SGCZ: variants seen among roughly 807,000 people sequenced by gnomAD.
SGCZ encodes the protein sarcoglycan zeta.
Under a neutral mutation model 41.3 loss-of-function variants are expected in SGCZ, and 40 were observed. That is an observed-to-expected ratio of 0.97 (90% CI 0.75 to 1.26). The LOEUF (loss-of-function observed/expected upper bound fraction) is 1.26, where lower values mean the gene tolerates loss of function less well. SGCZ is among the 50% of genes most tolerant of loss of function. SGCZ has a pLI of 0.00. For synonymous variants in SGCZ, 206 were observed against 137.5 expected, an observed-to-expected ratio of 1.50 and a Z score of -3.49; for missense variants, 552 against 369.8, an observed-to-expected ratio of 1.49 and a Z score of -4.04.
chr8:14,567,605 G>A (rs1428261811), intron 1 of SGCZ, among the ~76,000 whole-genome samples: 16 of 152,186 alleles, frequency 1.1e-4, no homozygotes, highest in Admixed American at 1.0e-3. Flanking sequence ...GGCTGCCTAA[G>A]CCAGCAGTGG....
intron 2 of SGCZ, among the ~76,000 whole-genome samples, chr8:14,345,238 TC>T (rs1356221785): frequency 1.3e-5 from 2 of 152,004 alleles, no homozygotes; most frequent in Non-Finnish European, 2.9e-5. Context: ...TCACTACACA[TC>T]CATTAGAGTC....
chr8:14,456,730 C>T (rs1800755844), intron 2 of SGCZ, among the ~76,000 whole-genome samples: 1 of 152,144 alleles, frequency 6.6e-6, no homozygotes, highest in Non-Finnish European at 1.5e-5. Flanking sequence ...TATGTCCTCA[C>T]CCAAATCTCA....
intron 1 of SGCZ, among the ~76,000 whole-genome samples, chr8:14,686,946 C>A (rs533464827): frequency 9.1e-4 from 138 of 151,840 alleles, no homozygotes; most frequent in African/African-American, 3.2e-3. Flanking sequence ...GCCTTTGCAA[C>A]TCACCTCACA....
chr8:14,859,956 A>T (rs1803663310), intron 1 of SGCZ, among the ~76,000 whole-genome samples: 1 of 152,150 alleles, frequency 6.6e-6, no homozygotes, highest in Non-Finnish European at 1.5e-5. Context: ...GTCTTGAATG[A>T]CTCTATAATT....
intron 1 of SGCZ, among the ~76,000 whole-genome samples, chr8:14,762,975 C>A (rs180705123): frequency 1.0e-3 from 158 of 152,136 alleles, no homozygotes; most frequent in Non-Finnish European, 7.9e-4. Context: ...ACTTCAGCAC[C>A]CTGACTTATA....
rs1165855107 is a variant in SGCZ, at chr8:14,784,045, A to G, written c.40-229119T>C. Among the ~76,000 whole-genome samples the G allele has an allele frequency of 5.4e-5, 7 of 128,660 alleles. No individual in the cohort carries two copies. The East Asian group carries it at 1.6e-3, about 29-fold the overall frequency. 84.4% of individuals were successfully genotyped at this position (128,660 alleles called of 152,430 possible). A position where few individuals can be genotyped will look rare whatever the true frequency, so the allele number is the denominator to read the frequency against. On this transcript the variant is annotated intron_variant, in intron 1 of 7. Transcript: ENST00000382080. ...ACCTTTAAATTTCAGATTGTAATTT[A>G]ATTTAATGTTTTTTTTTTTTTTTGA...
At chr8:14,729,686 T>G (rs1228184128) in intron 1 of SGCZ, among the ~76,000 whole-genome samples, 1 of 150,968 alleles carries the variant, frequency 6.6e-6, no homozygotes, top group African/African-American at 2.4e-5. Flanking sequence ...CAATCTGTTG[T>G]TTAAGTAACC....
intron 1 of SGCZ, among the ~76,000 whole-genome samples, chr8:14,786,167 C>T (rs1308335706): frequency 6.6e-6 from 1 of 152,014 alleles, no homozygotes; most frequent in Admixed American, 6.6e-5. Flanking sequence ...CAGAAGAAAA[C>T]ATTAGTTCTC....
At chr8:14,860,708 G>GAAGGAAAGAAAGAAAGAGAA (rs1554513265) in intron 1 of SGCZ, among the ~76,000 whole-genome samples, 1 of 132,660 alleles carries the variant, frequency 7.5e-6, no homozygotes, top group African/African-American at 3.1e-5. Context: ...AAGAAAGAAA[G>GAAGGAAAGAAAGAAAGAGAA]AGAAAGAAAG....
At chr8:14,486,567 AGT>A (rs1014601575) in intron 2 of SGCZ, among the ~76,000 whole-genome samples, 5 of 152,068 alleles carry the variant, frequency 3.3e-5, no homozygotes, top group African/African-American at 7.2e-5. Flanking sequence ...GTGAGTAATG[AGT>A]GTGTGTGTGT....
At chr8:14,950,989 G>C (rs868220426) in intron 1 of SGCZ, among the ~76,000 whole-genome samples, 1 of 152,004 alleles carries the variant, frequency 6.6e-6, no homozygotes, top group South Asian at 2.1e-4. Flanking sequence ...GGAGAGCAAA[G>C]GGATACAGTA....
At chr8:14,236,897 G>A (rs1385982436) in intron 4 of SGCZ, among the ~76,000 whole-genome samples, 2 of 151,434 alleles carry the variant, frequency 1.3e-5, no homozygotes, top group African/African-American at 4.8e-5. Flanking sequence ...TATTTGCTAT[G>A]AGAAAAAAAT....
At chr8:14,555,176 G>C (rs1276665389) in intron 1 of SGCZ, among the ~76,000 whole-genome samples, 4 of 151,854 alleles carry the variant, frequency 2.6e-5, no homozygotes, top group Non-Finnish European at 5.9e-5. Context: ...AGTCAGATTT[G>C]TCCCATTTCA....
intron 1 of SGCZ, among the ~76,000 whole-genome samples, chr8:14,724,746 G>A (rs941573949): frequency 1.3e-5 from 2 of 151,462 alleles, no homozygotes; most frequent in African/African-American, 4.8e-5. Flanking sequence ...ATATTTATGG[G>A]ATACATTTGC....
chr8:15,228,935 T>C (rs892657949), intron 1 of SGCZ, among the ~76,000 whole-genome samples: 2 of 152,218 alleles, frequency 1.3e-5, no homozygotes, highest in Non-Finnish European at 2.9e-5. Context: ...GGCTCACACC[T>C]GTAATCCCAG....
intron 2 of SGCZ, among the ~76,000 whole-genome samples, chr8:14,400,321 G>C (rs769781695): frequency 1.3e-5 from 2 of 152,068 alleles, no homozygotes; most frequent in Non-Finnish European, 2.9e-5. Flanking sequence ...ATACAAGCAT[G>C]CATGAACAAG....
intron 1 of SGCZ, among the ~76,000 whole-genome samples, chr8:14,992,885 C>G (rs537730516): frequency 6.9e-6 from 1 of 144,026 alleles, no homozygotes; most frequent in African/African-American, 2.6e-5. Context: ...TACCTCTCGC[C>G]CATCCTCCTC....
intron 2 of SGCZ, among the ~76,000 whole-genome samples, chr8:14,505,055 A>G (rs1802264747): frequency 6.6e-6 from 1 of 152,128 alleles, no homozygotes; most frequent in South Asian, 2.1e-4. Context: ...AGGCTGAGGC[A>G]TGAGAATGGC....
chr8:15,188,127 T>C lies in SGCZ; in HGVS notation c.39+49458A>G, dbSNP rs568489837. On this transcript the variant is annotated intron_variant, in intron 1 of 7. Transcript: ENST00000382080. ...TTTTGCAATGGATTCAAATACTCTTTAGATAATCTGACTGCAGCATACCAC... is the reference window on the plus strand; with the variant it reads ...TTTTGCAATGGATTCAAATACTCTTCAGATAATCTGACTGCAGCATACCAC... Among the ~76,000 whole-genome samples, 694 of 152,182 alleles carry C rather than the reference T, an allele frequency of 4.6e-3. 4 individuals carry two copies. The highest frequency in any genetic ancestry group is 0.014 in the Middle Eastern group (4 of 294).
Sources: gnomAD v4.1 joint callset for allele counts (sites outside exome capture counted in the v4.1 genomes callset) on GRCh38, gnomAD v4.1.1 for gene constraint, MANE v1.5 for transcripts, NCBI Gene and HGNC (gene_info 2026-07-23, HGNC 2026-07-21) for gene names.